The following NEO1 variants were observed in gnomAD, a reference collection of about 807,000 sequenced individuals.
NEO1 encodes the protein neogenin.
Under a neutral mutation model 159.7 loss-of-function variants are expected in NEO1, and 63 were observed. The ratio of observed to expected loss-of-function variants is 0.39; its 90% CI spans 0.32 to 0.49. The LOEUF (loss-of-function observed/expected upper bound fraction) is 0.49. Among genes scored for constraint, NEO1 ranks in the 20% least tolerant of loss-of-function variants. NEO1 has a pLI of 0.85. For missense variants in NEO1, 1,615 were observed against 1,831.0 expected, an observed-to-expected ratio of 0.88 and a Z score of 2.15; for synonymous variants, 633 against 662.0, an observed-to-expected ratio of 0.96 and a Z score of 0.67.
intron 5 of NEO1, among the ~76,000 whole-genome samples, chr15:73,169,214 C>T (rs756456488): frequency 3.3e-5 from 5 of 152,018 alleles, no homozygotes; most frequent in Non-Finnish European, 5.9e-5. Context: ...AAGAATTTTG[C>T]AAGTATAATA....
chr15:73,165,452 T>C (rs1555441951), intron 5 of NEO1, among the ~76,000 whole-genome samples: 1 of 152,154 alleles, frequency 6.6e-6, no homozygotes, highest in Non-Finnish European at 1.5e-5. Context: ...AATCCAACTG[T>C]AGAACAGTAG....
intron 1 of NEO1, among the ~76,000 whole-genome samples, chr15:73,057,270 A>G (rs1396159718): frequency 6.6e-5 from 10 of 152,124 alleles, no homozygotes. Flanking sequence ...GGCTTAATTG[A>G]TCATTGCTGG....
intron 19 of NEO1, 61 bp downstream of exon 19, chr15:73,272,623 A>G: frequency 1.7e-6 from 2 of 1,188,596 alleles, no homozygotes; most frequent in Non-Finnish European, 1.2e-6. Context: ...GGAGTATTCC[A>G]GGAGAGTACC....
intron 3 of NEO1, among the ~76,000 whole-genome samples, chr15:73,124,227 A>C (rs1186657345): frequency 6.9e-6 from 1 of 145,938 alleles, no homozygotes; most frequent in Non-Finnish European, 1.5e-5. Flanking sequence ...ACATCTGGCT[A>C]ATTTTTTTGT....
intron 25 of NEO1, 111 bp from the exon 26 acceptor site, chr15:73,293,279 G>A: frequency 7.6e-7 from 1 of 1,309,694 alleles, no homozygotes. Flanking sequence ...AACCAAGGGA[G>A]TGTTTGGATT....
At chr15:73,086,683 T>TC (rs2069379122) in intron 1 of NEO1, among the ~76,000 whole-genome samples, 1 of 65,624 alleles carries the variant, frequency 1.5e-5, no homozygotes, top group Admixed American at 1.5e-4. Context: ...TTTCTAGATT[T>TC]CTTTTTTTTT....
intron 25 of NEO1, among the ~76,000 whole-genome samples, chr15:73,289,958 TAAA>T (rs1272812721): frequency 6.6e-6 from 1 of 150,622 alleles, no homozygotes; most frequent in African/African-American, 2.4e-5. Context: ...TCAAAAAAAA[TAAA>T]AAAAATAAAG....
In NEO1 at chr15:73,244,410, G is replaced by A. The variant is rs1172237081; in HGVS notation, c.1518G>A (p.Ala506=). ...MQVTIQNLMP[A]TVYIFRVMAQ... Reference sequence around the variant, plus strand: ...TAACCATTCAAAACCTAATGCCAGCGACCGTGTACATCTTTAGAGTTATGG... The same window carrying A: ...TAACCATTCAAAACCTAATGCCAGCAACCGTGTACATCTTTAGAGTTATGG... The change falls in exon 9 of 29, where the codon GCG becomes GCA. Residue 506 remains alanine (A), a synonymous_variant. Transcript: ENST00000261908. 6 of 1,613,840 alleles carry A rather than the reference G, an allele frequency of 3.7e-6. No individual in the cohort carries two copies. Among genetic ancestry groups the A allele is most frequent in the East Asian group, 4.5e-5 (2 of 44,862 alleles).
chr15:73,085,382 A>G lies in NEO1; in HGVS notation c.131-31158A>G, dbSNP rs187945424. ...TTATCCATTCACCTGGTGAATGACA[A>G]CTGGGTTGCCAGCAGTTCGTAGGGA... On this transcript the variant is annotated intron_variant, in intron 1 of 28. Coordinates refer to ENST00000261908, the MANE Select transcript of NEO1 (RefSeq NM_002499.4). 2.1e-3 allele frequency among the ~76,000 whole-genome samples: 324 copies of G among 152,256 alleles called. 2 individuals carry two copies. The highest frequency in any genetic ancestry group is 7.4e-3 in the African/African-American group (309 of 41,534).
intron 1 of NEO1, among the ~76,000 whole-genome samples, chr15:73,107,304 A>G (rs2070743209): frequency 6.6e-6 from 1 of 152,216 alleles, no homozygotes; most frequent in African/African-American, 2.4e-5. Flanking sequence ...TACAAAATTA[A>G]GGTGATCTCG....
intron 8 of NEO1, among the ~76,000 whole-genome samples, chr15:73,241,598 G>T (rs946074678): frequency 1.3e-5 from 2 of 152,142 alleles, no homozygotes; most frequent in Admixed American, 1.3e-4. Context: ...AACTAGAATT[G>T]CATCTCCTAA....
At chr15:73,168,414 G>T (rs916616714) in intron 5 of NEO1, among the ~76,000 whole-genome samples, 1 of 149,848 alleles carries the variant, frequency 6.7e-6, no homozygotes, top group African/African-American at 2.5e-5. Context: ...GGCTAGGTTG[G>T]TCTCGAACTC....
intron 19 of NEO1, among the ~76,000 whole-genome samples, chr15:73,273,132 C>A (rs1374332142): frequency 1.3e-5 from 2 of 151,730 alleles, no homozygotes; most frequent in African/African-American, 2.4e-5. Context: ...CAGAGGAAAA[C>A]CTTCCACAGT....
At chr15:73,127,061 C>T (rs1348081130) in intron 4 of NEO1, among the ~76,000 whole-genome samples, 1 of 152,036 alleles carries the variant, frequency 6.6e-6, no homozygotes, top group African/African-American at 2.4e-5. Flanking sequence ...GAAACCCCGT[C>T]TCTACTAAAA....
chr15:73,105,844 C>T (rs1286939837), intron 1 of NEO1, among the ~76,000 whole-genome samples: 1 of 152,160 alleles, frequency 6.6e-6, no homozygotes, highest in Non-Finnish European at 1.5e-5. Context: ...GGTTGTCCCA[C>T]TACTGTTAAT....
Position 73,178,443 on chromosome 15 carries a change from A to G in NEO1, c.1291+16A>G, listed in dbSNP as rs1456414325. The G allele has an allele frequency of 1.2e-6, 2 of 1,612,908 alleles. No individual in the cohort carries two copies. Among genetic ancestry groups the G allele is most frequent in the African/African-American group, 1.3e-5 (1 of 74,898 alleles). On this transcript the variant is annotated intron_variant, in intron 7 of 28. Transcript: ENST00000261908. ...CTTGAACATGGTAAGAAGGGCTGAA[A>G]TAGTCAGATGATAGAGGCTGTGTGC...
At chr15:73,161,929 A>C (rs1484255390) in intron 5 of NEO1, 3 of 199,838 alleles carry the variant, frequency 1.5e-5, no homozygotes, top group Non-Finnish European at 3.2e-5. Context: ...TGTCTTCTAC[A>C]GAACTAGGTT....
In NEO1 at chr15:73,282,930, A is replaced by C. The variant is rs562474767; in HGVS notation, c.3263-34A>C. On this transcript the variant is annotated intron_variant, in intron 22 of 28. Transcript: ENST00000261908. ...ATAGTATGCATGTTTTAAATTCTCT[A>C]ACCCTAACACATGTACCATTTCTCT... The C allele has an allele frequency of 1.5e-4, 238 of 1,601,778 alleles. 4 individuals carry two copies. In the South Asian group the frequency reaches 2.5e-3, roughly 17 times the overall value.
intron 1 of NEO1, among the ~76,000 whole-genome samples, chr15:73,062,058 G>A (rs991244011): frequency 1.3e-5 from 2 of 152,214 alleles, no homozygotes; most frequent in Non-Finnish European, 2.9e-5. Flanking sequence ...GTGTGGAATT[G>A]TAGGGCAAGA....
Sources: gnomAD v4.1 joint callset for allele counts (sites outside exome capture counted in the v4.1 genomes callset) on GRCh38, gnomAD v4.1.1 for gene constraint, MANE v1.5 for transcripts, NCBI Gene and HGNC (gene_info 2026-07-23, HGNC 2026-07-21) for gene names.